CBLN2: variants seen among roughly 807,000 people sequenced by gnomAD.
CBLN2 encodes cerebellin 2 precursor, also known as cerebellin-2.
In CBLN2, 7 loss-of-function variants were observed where a neutral mutation model predicts 15.0. That is an observed-to-expected ratio of 0.47 (90% CI 0.27 to 0.88). CBLN2 has a LOEUF of 0.88. CBLN2 is among the 40% of genes least tolerant of loss of function. The pLI, the probability that CBLN2 is intolerant of heterozygous loss-of-function variation, is 0.14. For missense variants in CBLN2, 242 were observed against 304.5 expected (o/e 0.79, Z 1.53); for synonymous variants, 149 against 135.2 (o/e 1.10, Z -0.71).
At chr18:72,612,933 G>A (rs1352026933) in intron 1 of CBLN2, among the ~76,000 whole-genome samples, 1 of 152,226 alleles carries the variant, frequency 6.6e-6, no homozygotes, top group African/African-American at 2.4e-5. Flanking sequence ...AGATCAAGCT[G>A]TCAGTAGGGT....
intron 3 of CBLN2, chr18:72,539,993 T>C (rs1208060054): frequency 6.6e-6 from 1 of 152,202 alleles, no homozygotes; most frequent in African/African-American, 2.4e-5. Flanking sequence ...ATCGCCGAAA[T>C]GACTTGTGAA....
At chr18:72,624,902 T>C (rs1349036123) in intron 1 of CBLN2, among the ~76,000 whole-genome samples, 3 of 152,154 alleles carry the variant, frequency 2.0e-5, no homozygotes, top group African/African-American at 7.2e-5. Context: ...TAAAAGAGGC[T>C]GGTATTAAAT....
At chr18:72,574,804 T>C (rs960987811) in intron 1 of CBLN2, among the ~76,000 whole-genome samples, 1 of 152,204 alleles carries the variant, frequency 6.6e-6, no homozygotes, top group Non-Finnish European at 1.5e-5. Flanking sequence ...GCTAGGAAAG[T>C]ATGTCATGAT....
intron 1 of CBLN2, among the ~76,000 whole-genome samples, chr18:72,570,647 T>C (rs537078358): frequency 6.6e-6 from 1 of 152,066 alleles, no homozygotes; most frequent in Non-Finnish European, 1.5e-5. Context: ...TTGGGAAGAC[T>C]AGATAGCACA....
upstream of CBLN2, among the ~76,000 whole-genome samples, chr18:72,548,481 A>G (rs1335248889): frequency 6.6e-6 from 1 of 152,208 alleles, no homozygotes; most frequent in Non-Finnish European, 1.5e-5. Flanking sequence ...GAGCTACTAT[A>G]AGGCTAGTGT....
intron 1 of CBLN2, among the ~76,000 whole-genome samples, chr18:72,619,436 T>A (rs895536071): frequency 6.6e-6 from 1 of 152,234 alleles, no homozygotes; most frequent in African/African-American, 2.4e-5. Flanking sequence ...TGTTTTAGTT[T>A]CTGTTCCGTG....
At chr18:72,637,014 A>T (rs963674334) in intron 1 of CBLN2, among the ~76,000 whole-genome samples, 3 of 150,066 alleles carry the variant, frequency 2.0e-5, no homozygotes, top group Admixed American at 6.7e-5. Flanking sequence ...TCATGATCAT[A>T]ATCAGTGTTT....
intron 1 of CBLN2, among the ~76,000 whole-genome samples, chr18:72,626,219 C>T (rs1027927625): frequency 2.0e-5 from 3 of 151,980 alleles, no homozygotes; most frequent in Admixed American, 6.6e-5. Flanking sequence ...AAGAAATGAT[C>T]TCTGTCTTAA....
intron 1 of CBLN2, among the ~76,000 whole-genome samples, chr18:72,575,987 C>T (rs542908900): frequency 2.6e-5 from 4 of 152,202 alleles, no homozygotes; most frequent in Non-Finnish European, 5.9e-5. Context: ...CCCAATCCTT[C>T]CATTTTGTAA....
At chr18:72,634,834 T>C (rs77830144) in intron 1 of CBLN2, among the ~76,000 whole-genome samples, 3,848 of 152,266 alleles carry the variant, frequency 0.025, 163 homozygotes, top group African/African-American at 0.087. Flanking sequence ...TTCTTTAACA[T>C]TTCTCTTCTG....
In CBLN2 at chr18:72,543,514, C is replaced by T. The variant is rs973731707; in HGVS notation, c.-195G>A. 1.3e-5 allele frequency: 5 copies of T among 398,624 alleles called. No homozygotes were observed. Among genetic ancestry groups the T allele is most frequent in the Middle Eastern group, 6.3e-4 (1 of 1,588 alleles). 24.7% of individuals were successfully genotyped at this position (398,624 alleles called of 1,614,324 possible). A position where few individuals can be genotyped will look rare whatever the true frequency, so the allele number is the denominator to read the frequency against. On this transcript the variant is annotated 5_prime_UTR_variant, in exon 2 of 5. Coordinates refer to ENST00000269503, the MANE Select transcript of CBLN2 (RefSeq NM_182511.4). The surrounding 1 kb of genome is among the most constrained non-coding windows in gnomAD (Gnocchi z 6.8). The stretch of plus-strand genomic sequence containing the variant: ...GAACATCCATGCTGGGCGAGCTCCG[C>T]TGTCCGCGAAGTTGCTCTGCTTAGA...
In CBLN2 at chr18:72,541,939, C is replaced by A. The variant is rs2144865568; in HGVS notation, c.222G>T (p.Ala74=). The change falls in exon 3 of 5, where the codon GCG becomes GCT. Residue 74 remains alanine, a synonymous_variant. Coordinates refer to ENST00000269503, the MANE Select transcript of CBLN2 (RefSeq NM_182511.4). ...CTAGGGAGGAGGTGACGGCGCCGTCCGCCGACGGGCTGGAGTCGCACACCA... is the reference window on the plus strand; with the variant it reads ...CTAGGGAGGAGGTGACGGCGCCGTCAGCCGACGGGCTGGAGTCGCACACCA... ...CLVVCDSSPS[A]DGAVTSSLGI... is the part of the protein sequence containing the mutation. The A allele has an allele frequency of 1.2e-6, 2 of 1,607,812 alleles. No homozygotes were observed. The highest frequency in any genetic ancestry group is 1.7e-6 in the Non-Finnish European group (2 of 1,179,468).
At position 72,592,978 on chromosome 18, in the gene CBLN2, T is replaced by C. The variant is rs1177716415; in HGVS notation, c.15+45347A>G. On this transcript the variant is annotated intron_variant, in intron 1 of 2. Coordinates refer to the CBLN2 transcript ENST00000581073. ...GATGACTTTGTCTATTATGGGTCTT[T>C]TGTGGTTCCATATAAATTTTTAGGA... Among the ~76,000 whole-genome samples, 3 of 152,294 alleles carry C rather than the reference T, an allele frequency of 2.0e-5. No individual in the cohort carries two copies. In the East Asian group the frequency reaches 5.8e-4, roughly 29 times the overall value.
intron 1 of CBLN2, among the ~76,000 whole-genome samples, chr18:72,622,951 A>G (rs2069711070): frequency 6.6e-6 from 1 of 152,132 alleles, no homozygotes; most frequent in African/African-American, 2.4e-5. Flanking sequence ...ATAAAGAACT[A>G]CCTGGGACTG....
At chr18:72,540,757 G>A (rs2069103257) in intron 3 of CBLN2, among the ~76,000 whole-genome samples, 1 of 152,188 alleles carries the variant, frequency 6.6e-6, no homozygotes. Context: ...AGTCAAGAGT[G>A]TGTGTGTCTG....
chr18:72,553,396 T>G (rs563035897), intron 1 of CBLN2, among the ~76,000 whole-genome samples: 43 of 151,894 alleles, frequency 2.8e-4, no homozygotes, highest in Non-Finnish European at 1.2e-4. Flanking sequence ...ATAAGAAATA[T>G]AGCTCAGGAA....
At chr18:72,547,306 C>T (rs2069164972), upstream of CBLN2, among the ~76,000 whole-genome samples, 1 of 152,042 alleles carries the variant, frequency 6.6e-6, no homozygotes, top group Admixed American at 6.5e-5. Context: ...AATGCGCACA[C>T]ACGAACAAAG....
At position 72,542,012 on chromosome 18, in the gene CBLN2, C is replaced by T. The variant is rs560158029; in HGVS notation, c.149G>A (p.Arg50Gln). The change falls in exon 3 of 5, where the codon CGG (arginine) becomes CAG (glutamine). Residue 50 changes from arginine to glutamine, a missense_variant. By Grantham distance (43) the Arg-to-Gln change is conservative. Around this residue, in one of 4 missense-constraint regions of CBLN2, gnomAD observed 96 missense variants for 83.8 expected, o/e 1.15. Coordinates refer to ENST00000269503, the MANE Select transcript of CBLN2 (RefSeq NM_182511.4). Reference sequence around the variant, plus strand: ...GATGGGCTCCGTGTCGTTCTGCGCCCGCACGGGGCAGCAGGCGGGCAGTAG... The same window carrying T: ...GATGGGCTCCGTGTCGTTCTGCGCCTGCACGGGGCAGCAGGCGGGCAGTAG... ...LLLLPACCPV[R>Q]AQNDTEPIVL... The T allele has an allele frequency of 6.4e-5, 102 of 1,599,904 alleles. No homozygotes were observed. Among genetic ancestry groups the T allele is most frequent in the Middle Eastern group, 3.9e-4 (2 of 5,094 alleles).
rs549849648 is a variant in CBLN2 at position 72,603,035 on chromosome 18, G to A, written c.15+35290C>T. Among the ~76,000 whole-genome samples, 8 of 152,320 alleles carry A rather than the reference G, an allele frequency of 5.3e-5. No homozygotes were observed. In the South Asian group the frequency reaches 8.3e-4, roughly 16 times the overall value. On this transcript the variant is annotated intron_variant, in intron 1 of 2. Coordinates refer to the CBLN2 transcript ENST00000581073. ...CGATTCCATCATCTGTAAAAAACCAGCATATGAAAGCTGGTCTTCAAGGCT... is the reference window on the plus strand; with the variant it reads ...CGATTCCATCATCTGTAAAAAACCAACATATGAAAGCTGGTCTTCAAGGCT...
Sources: allele counts gnomAD v4.1 joint callset (sites outside exome capture counted in the v4.1 genomes callset), GRCh38; gene constraint gnomAD v4.1.1; regional missense constraint gnomAD v4.1.1; non-coding constraint Gnocchi (gnomAD v3.1); transcripts MANE v1.5; gene names NCBI Gene and HGNC (gene_info 2026-07-23, HGNC 2026-07-21).